The following AHR variants were observed in gnomAD, a reference collection of about 807,000 sequenced individuals.
AHR encodes AH-receptor.
Under a neutral mutation model 86.8 loss-of-function variants are expected in AHR, and 40 were observed. The ratio of observed to expected loss-of-function variants is 0.46; its 90% confidence interval spans 0.36 to 0.60. The LOEUF (loss-of-function observed/expected upper bound fraction) is 0.60, where lower values mean the gene tolerates loss of function less well. Ranked by LOEUF, AHR falls within the 20% of genes least tolerant of loss-of-function variation. AHR has a pLI of 0.00. For missense variants in AHR, 1,001 were observed against 1,011.6 expected, an observed-to-expected ratio of 0.99 and a Z score of 0.14; for synonymous variants, 398 against 354.9, an observed-to-expected ratio of 1.12 and a Z score of -1.37.
In AHR at chr7:17,335,744, A is replaced by G; in HGVS notation, c.1118A>G (p.Asn373Ser). ...VQSNARLLYK[N>S]GRPDYIIVTQ... is the part of the protein sequence containing the mutation. The stretch of plus-strand genomic sequence containing the variant: ...TCTAATGCACGCCTGCTTTATAAAA[A>G]TGGAAGACCAGATTATATCATTGTA... Residue 373 changes from asparagine to serine, a missense_variant, in exon 9 of 11, where the codon AAT (asparagine) becomes AGT (serine). By Grantham distance (46) the Asn-to-Ser change is conservative. Coordinates refer to ENST00000242057, the MANE Select transcript of AHR (RefSeq NM_001621.5). 6.2e-7 allele frequency: 1 copy of G among 1,613,246 alleles called. No homozygotes were observed. Among genetic ancestry groups the G allele is most frequent in the Non-Finnish European group, 8.5e-7 (1 of 1,179,506 alleles).
chr7:17,303,832 G>A (rs1781979000), intron 1 of AHR, among the ~76,000 whole-genome samples: 2 of 152,056 alleles, frequency 1.3e-5, no homozygotes, highest in Admixed American at 1.3e-4. Context: ...CCAAGAGATA[G>A]TATCAAATTA....
intron 9 of AHR, among the ~76,000 whole-genome samples, chr7:17,336,581 T>G (rs1220480557): frequency 6.6e-6 from 1 of 152,178 alleles, no homozygotes; most frequent in African/African-American, 2.4e-5. Context: ...TGAAAATCTG[T>G]TGAGATTTTG....
chr7:17,335,842 T>C (rs1782349527), intron 9 of AHR, 56 bp downstream of exon 9: 5 of 1,523,312 alleles, frequency 3.3e-6, no homozygotes, highest in African/African-American at 2.8e-5. Context: ...AGTCCTCTTA[T>C]GTGAAAGCAT....
intron 2 of AHR, among the ~76,000 whole-genome samples, chr7:17,315,264 A>G (rs762916635): frequency 1.5e-4 from 23 of 151,986 alleles, no homozygotes; most frequent in Non-Finnish European, 2.7e-4. Flanking sequence ...AGATATCCCA[A>G]TTTACAGTAT....
intron 1 of AHR, among the ~76,000 whole-genome samples, chr7:17,301,911 A>G (rs115588379): frequency 0.011 from 1,713 of 152,020 alleles, 36 homozygotes; most frequent in African/African-American, 0.039. Context: ...TATAGAATCT[A>G]CTATAACTTT....
At chr7:17,333,796 G>A (rs1398539855) in intron 6 of AHR, 116 bp from the exon 7 acceptor site, 7 of 745,600 alleles carry the variant, frequency 9.4e-6, no homozygotes, top group Non-Finnish European at 1.5e-5. Context: ...TCAGCTTCAG[G>A]AATATTTATG....
At chr7:17,341,146 G>A (rs1782419459) in intron 10 of AHR, among the ~76,000 whole-genome samples, 1 of 152,016 alleles carries the variant, frequency 6.6e-6, no homozygotes, top group Non-Finnish European at 1.5e-5. Flanking sequence ...CTTGACCCCT[G>A]TTTACTCTGT....
In AHR at chr7:17,344,469, G is replaced by C. The variant is rs1347808017; in HGVS notation, c.*1405G>C. Reference sequence around the variant, plus strand: ...CAAGTAATGAATCCAACTGCTTAAAGTTGGTATTAATAAAAAGACAACCAC... The same window carrying C: ...CAAGTAATGAATCCAACTGCTTAAACTTGGTATTAATAAAAAGACAACCAC... On this transcript the variant is annotated 3_prime_UTR_variant, in exon 11 of 11. Transcript: ENST00000242057. The C allele has an allele frequency of 6.6e-6, 1 of 152,450 alleles. No homozygotes were observed. Among genetic ancestry groups the C allele is most frequent in the African/African-American group, 2.4e-5 (1 of 41,318 alleles). 9.4% of individuals were successfully genotyped at this position (152,450 alleles called of 1,614,324 possible).
intron 4 of AHR, 115 bp from the exon 5 acceptor site, chr7:17,329,837 A>G (rs996259731): frequency 6.8e-6 from 6 of 888,600 alleles, no homozygotes; most frequent in East Asian, 2.9e-5. Flanking sequence ...GAATCATTCA[A>G]TTCGTATTCA....
chr7:17,323,178 A>G (rs979075735), intron 3 of AHR, among the ~76,000 whole-genome samples: 1 of 152,162 alleles, frequency 6.6e-6, no homozygotes, highest in African/African-American at 2.4e-5. Flanking sequence ...TCAAACAGCA[A>G]GAACTCCTAG....
Position 17,335,699 on chromosome 7 carries a change from A to G in AHR, c.1073A>G (p.Asn358Ser). The stretch of plus-strand genomic sequence containing the variant: ...GTTTTCCGGCTTCTTACAAAAAACA[A>G]CCGATGGACTTGGGTCCAGTCTAAT... The part of the protein sequence containing the change: ...MIVFRLLTKN[N>S]RWTWVQSNAR... The change falls in exon 9 of 11, where the codon AAC becomes AGC. Residue 358 changes from asparagine (N) to serine (S), a missense_variant. Around this residue, in one of 2 missense-constraint regions of AHR, gnomAD observed 394 missense variants for 468.5 expected, o/e 0.84. Transcript: ENST00000242057. 2.5e-6 allele frequency: 4 copies of G among 1,607,038 alleles called. No individual in the cohort carries two copies. Among genetic ancestry groups the G allele is most frequent in the Non-Finnish European group, 3.4e-6 (4 of 1,175,692 alleles).
rs747196573 is a variant in AHR at position 17,339,646 on chromosome 7, G to A, written c.1821G>A (p.Leu607=). The A allele has an allele frequency of 1.9e-6, 3 of 1,614,040 alleles. No individual in the cohort carries two copies. The highest frequency in any genetic ancestry group is 1.1e-5 in the South Asian group (1 of 91,072). ...ATCAACAGCAACAGTCCTTGGCTCTGAACTCAAGCTGTATGGTACAGGAAC... is the reference window on the plus strand; with the variant it reads ...ATCAACAGCAACAGTCCTTGGCTCTAAACTCAAGCTGTATGGTACAGGAAC... ...SDYQQQQSLA[L]NSSCMVQEHL... The change falls in exon 10 of 11, where the codon CTG becomes CTA. Residue 607 remains leucine, a synonymous_variant. Transcript: ENST00000242057.
At position 17,343,029 on chromosome 7, in the gene AHR, C is replaced by G; in HGVS notation, c.2512C>G (p.Pro838Ala). The change falls in exon 11 of 11, where the codon CCT becomes GCT. Residue 838 changes from proline (P) to alanine (A), a missense_variant. This residue lies in a region of AHR where 607 missense variants were observed against 543.1 expected (regional missense o/e 1.12). Transcript: ENST00000242057. ...QPLHHPSEARPFPDLTSSGFL is the reference protein window; with the variant it reads ...QPLHHPSEARAFPDLTSSGFL ...ACTTCATCATCCGTCAGAAGCCAGA[C>G]CTTTTCCTGATTTGACATCCAGTGG... is the stretch of plus-strand genomic sequence containing the variant. The G allele has an allele frequency of 6.2e-7, 1 of 1,613,908 alleles. No individual in the cohort carries two copies. Among genetic ancestry groups the G allele is most frequent in the Non-Finnish European group, 8.5e-7 (1 of 1,179,882 alleles).
At position 17,339,470 on chromosome 7, in the gene AHR, G is replaced by T. The variant is rs1782394051; in HGVS notation, c.1645G>T (p.Asp549Tyr). ...LYSIMKNLGI[D>Y]FEDIRHMQNE... ...CAGCATAATGAAAAACCTAGGCATT[G>T]ATTTTGAAGACATCAGACACATGCA... The change falls in exon 10 of 11, where the codon GAT (aspartate) becomes TAT (tyrosine). Residue 549 changes from aspartate to tyrosine, a missense_variant. By Grantham distance (160) the Asp-to-Tyr change is radical (BLOSUM62 -3). This residue lies in a region of AHR where 607 missense variants were observed against 543.1 expected (regional missense o/e 1.12). Coordinates refer to ENST00000242057, the MANE Select transcript of AHR (RefSeq NM_001621.5). The T allele has an allele frequency of 6.2e-7, 1 of 1,614,118 alleles. No individual in the cohort carries two copies. The highest frequency in any genetic ancestry group is 1.1e-5 in the South Asian group (1 of 91,048).
At chr7:17,324,776 C>T (rs899060522) in intron 3 of AHR, among the ~76,000 whole-genome samples, 3 of 149,808 alleles carry the variant, frequency 2.0e-5, no homozygotes, top group African/African-American at 2.5e-5. Flanking sequence ...CACTCCAGCC[C>T]GGGTGACAAT....
At chr7:17,305,489 G>T (rs1448571176) in intron 1 of AHR, among the ~76,000 whole-genome samples, 2 of 152,116 alleles carry the variant, frequency 1.3e-5, no homozygotes, top group Non-Finnish European at 2.9e-5. Flanking sequence ...TAGCACCATA[G>T]TGCTGAGAAG....
intron 3 of AHR, among the ~76,000 whole-genome samples, chr7:17,322,824 A>G (rs1782188590): frequency 6.6e-6 from 1 of 152,102 alleles, no homozygotes; most frequent in South Asian, 2.1e-4. Flanking sequence ...CAGACCACAT[A>G]TGCGACAGTG....
intron 1 of AHR, among the ~76,000 whole-genome samples, chr7:17,299,537 C>T (rs980943023): frequency 6.6e-6 from 1 of 152,222 alleles, no homozygotes; most frequent in Admixed American, 6.5e-5. Context: ...AAAAATTGTC[C>T]TCCCACCCAT....
intron 2 of AHR, among the ~76,000 whole-genome samples, chr7:17,317,018 C>G (rs1421972515): frequency 1.3e-5 from 2 of 150,752 alleles, no homozygotes; most frequent in Non-Finnish European, 2.9e-5. Flanking sequence ...AATGAGAGAT[C>G]TGTGAAAAAT....
Sources: allele counts gnomAD v4.1 joint callset (sites outside exome capture counted in the v4.1 genomes callset), GRCh38; gene constraint gnomAD v4.1.1; regional missense constraint gnomAD v4.1.1; transcripts MANE v1.5; gene names NCBI Gene and HGNC (gene_info 2026-07-23, HGNC 2026-07-21).